GUCY1A2: variants seen among roughly 807,000 people sequenced by gnomAD.
GUCY1A2 encodes guanylate cyclase soluble subunit alpha-2.
In GUCY1A2, 27 loss-of-function variants were observed where a neutral mutation model predicts 63.5. The observed-to-expected ratio is 0.43, with a 90% CI of 0.31 to 0.59. The LOEUF is 0.59. Ranked by LOEUF, GUCY1A2 falls within the 20% of genes least tolerant of loss-of-function variation. The pLI is 0.11. For missense variants in GUCY1A2, 768 were observed against 913.3 expected (o/e 0.84, Z 2.05); for synonymous variants, 364 against 343.5 (o/e 1.06, Z -0.66).
intron 4 of GUCY1A2, chr11:106,827,365 T>C (rs1290809248): frequency 1.3e-6 from 2 of 1,555,776 alleles, no homozygotes; most frequent in Non-Finnish European, 1.8e-6. Flanking sequence ...TATAGCTTTA[T>C]CTTTAATGGC....
chr11:106,999,083 C>G (rs1172575855), intron 1 of GUCY1A2, among the ~76,000 whole-genome samples: 3 of 152,274 alleles, frequency 2.0e-5, no homozygotes, highest in Non-Finnish European at 4.4e-5. Context: ...CCACCCACAA[C>G]CCCATGTTCC....
At chr11:106,743,957 C>T (rs1446424909) in intron 6 of GUCY1A2, among the ~76,000 whole-genome samples, 5 of 152,142 alleles carry the variant, frequency 3.3e-5, no homozygotes, top group African/African-American at 1.2e-4. Flanking sequence ...CTGTAAGTCC[C>T]TAGTTTAAGA....
chr11:107,017,465 C>A (rs1283014947), intron 1 of GUCY1A2, among the ~76,000 whole-genome samples: 1 of 152,118 alleles, frequency 6.6e-6, no homozygotes, highest in East Asian at 1.9e-4. Context: ...CCAGGGGGAA[C>A]AGTGGTGAAG....
intron 4 of GUCY1A2, among the ~76,000 whole-genome samples, chr11:106,885,960 G>A (rs1859895116): frequency 1.3e-5 from 2 of 152,096 alleles, no homozygotes; most frequent in Non-Finnish European, 2.9e-5. Context: ...CATACAGAGA[G>A]AGACAAAGAA....
At chr11:106,856,802 A>G (rs1157460251) in intron 4 of GUCY1A2, among the ~76,000 whole-genome samples, 5 of 152,072 alleles carry the variant, frequency 3.3e-5, no homozygotes, top group Non-Finnish European at 7.4e-5. Flanking sequence ...TCTTTCTTCT[A>G]AACTCTATAG....
At chr11:106,954,327 G>A (rs770037110) in intron 3 of GUCY1A2, among the ~76,000 whole-genome samples, 1 of 152,188 alleles carries the variant, frequency 6.6e-6, no homozygotes, top group Non-Finnish European at 1.5e-5. Context: ...CGTTTTGAGT[G>A]AGTTTCTTAA....
chr11:106,793,652 T>C (rs950230338), intron 5 of GUCY1A2, among the ~76,000 whole-genome samples: 2 of 151,962 alleles, frequency 1.3e-5, no homozygotes, highest in African/African-American at 4.8e-5. Flanking sequence ...TACAACTCAA[T>C]AGCAAAAACA....
intron 5 of GUCY1A2, among the ~76,000 whole-genome samples, chr11:106,788,795 G>C (rs931340778): frequency 6.6e-6 from 1 of 152,096 alleles, no homozygotes; most frequent in Non-Finnish European, 1.5e-5. Flanking sequence ...CGTTATTTTG[G>C]TTACTATAGC....
intron 7 of GUCY1A2, among the ~76,000 whole-genome samples, chr11:106,705,471 AAC>A (rs1387205429): frequency 6.6e-6 from 1 of 152,224 alleles, no homozygotes; most frequent in Non-Finnish European, 1.5e-5. Context: ...AGTTAGTGAT[AAC>A]AGTCATACAG....
chr11:106,775,864 T>C (rs1020815017), intron 6 of GUCY1A2, among the ~76,000 whole-genome samples: 1 of 152,166 alleles, frequency 6.6e-6, no homozygotes, highest in African/African-American at 2.4e-5. Context: ...TCATTCATTC[T>C]TCATTCCCAG....
chr11:106,809,132 G>C (rs1203128556), intron 5 of GUCY1A2, among the ~76,000 whole-genome samples: 1 of 152,002 alleles, frequency 6.6e-6, no homozygotes, highest in African/African-American at 2.4e-5. Flanking sequence ...TTCCAAATCT[G>C]CTTATGTGAA....
intron 4 of GUCY1A2, among the ~76,000 whole-genome samples, chr11:106,878,782 T>TAAAAAA (rs372754272): frequency 7.2e-6 from 1 of 137,996 alleles, no homozygotes. Flanking sequence ...ACTTAAAAGT[T>TAAAAAA]AAAAAAAAAA....
chr11:106,676,037 A>ATGTTTTT lies in GUCY1A2; in HGVS notation c.*11505_*11511dup. ...ATATCTTTCCACAGAGGAACAAATC[A>ATGTTTTT]TGTTTTTTTCTGTATAATTTTCTAT... On this transcript the variant is annotated 3_prime_UTR_variant, in exon 8 of 8. Coordinates refer to ENST00000526355, the MANE Select transcript of GUCY1A2 (RefSeq NM_000855.3). 5.4e-6 allele frequency: 1 copy of ATGTTTTT among 186,886 alleles called. No individual in the cohort carries two copies. Among genetic ancestry groups the ATGTTTTT allele is most frequent in the Non-Finnish European group, 1.1e-5 (1 of 88,482 alleles). 11.6% of individuals were successfully genotyped at this position (186,886 alleles called of 1,614,324 possible). A position where few individuals can be genotyped will look rare whatever the true frequency, so the allele number is the denominator to read the frequency against.
chr11:106,839,752 T>C (rs10890607), intron 4 of GUCY1A2, among the ~76,000 whole-genome samples: 60,148 of 150,712 alleles, frequency 0.4, 12,564 homozygotes, highest in East Asian at 0.53. Flanking sequence ...AGCAAACTAT[T>C]GCAAGGACAA....
chr11:106,944,565 G>A (rs1208592757), intron 3 of GUCY1A2, among the ~76,000 whole-genome samples: 7 of 152,002 alleles, frequency 4.6e-5, no homozygotes, highest in South Asian at 2.1e-4. Context: ...TCTGAGTGGC[G>A]AAATAATCTG....
rs1225353392 is a variant in GUCY1A2 at position 106,758,273 on chromosome 11, T to C, written c.1836+18166A>G. ...TTCAAGTCCATGGATCTTAGCTTGC[T>C]GGGCTATGTGGGCGTGGGACCCACT... is the stretch of plus-strand genomic sequence containing the variant. On this transcript the variant is annotated intron_variant, in intron 6 of 7. Coordinates refer to ENST00000526355, the MANE Select transcript of GUCY1A2 (RefSeq NM_000855.3). Among the ~76,000 whole-genome samples the C allele has an allele frequency of 2.6e-5, 4 of 152,340 alleles. No individual in the cohort carries two copies. The East Asian group carries it at 7.7e-4, about 29-fold the overall frequency.
intron 1 of GUCY1A2, among the ~76,000 whole-genome samples, chr11:107,012,809 G>T (rs988205132): frequency 3.9e-5 from 6 of 152,104 alleles, no homozygotes; most frequent in African/African-American, 1.4e-4. Context: ...CTATAACTTT[G>T]TTAGCCAAAT....
intron 4 of GUCY1A2, among the ~76,000 whole-genome samples, chr11:106,913,347 C>T (rs187131595): frequency 6.6e-6 from 1 of 152,224 alleles, no homozygotes; most frequent in East Asian, 1.9e-4. Flanking sequence ...CAGGCTACTT[C>T]TGCCATTAGT....
At chr11:106,859,255 C>T (rs531595242) in intron 4 of GUCY1A2, among the ~76,000 whole-genome samples, 5 of 151,926 alleles carry the variant, frequency 3.3e-5, no homozygotes, top group Admixed American at 2.6e-4. Context: ...GAATCCAATC[C>T]TGTGTTAAGG....
Sources: allele counts gnomAD v4.1 joint callset (sites outside exome capture counted in the v4.1 genomes callset), GRCh38; gene constraint gnomAD v4.1.1; transcripts MANE v1.5; gene names NCBI Gene and HGNC (gene_info 2026-07-23, HGNC 2026-07-21).